The following NEDD4 variants were observed in gnomAD, a reference collection of about 807,000 sequenced individuals.
NEDD4 encodes NEDD4 E3 ubiquitin protein ligase, also known as E3 ubiquitin-protein ligase NEDD4.
Under a neutral mutation model 144.9 loss-of-function variants are expected in NEDD4, and 99 were observed. The ratio of observed to expected loss-of-function variants is 0.68; its 90% confidence interval spans 0.58 to 0.81. The LOEUF (loss-of-function observed/expected upper bound fraction) is 0.81, where lower values mean the gene tolerates loss of function less well. NEDD4 is among the 30% of genes least tolerant of loss of function. NEDD4 has a pLI of 0.00. For missense variants in NEDD4, 985 were observed against 1,065.9 expected, an observed-to-expected ratio of 0.92 and a Z score of 1.06; for synonymous variants, 318 against 350.6, an observed-to-expected ratio of 0.91 and a Z score of 1.04.
At chr15:55,855,861 G>C (rs563438225) in intron 12 of NEDD4, among the ~76,000 whole-genome samples, 1 of 152,160 alleles carries the variant, frequency 6.6e-6, no homozygotes, top group Non-Finnish European at 1.5e-5. Context: ...CGTATGCAGC[G>C]GATCACCTCT....
intron 5 of NEDD4, among the ~76,000 whole-genome samples, chr15:55,886,241 C>T (rs1385201947): frequency 1.3e-5 from 2 of 152,138 alleles, no homozygotes; most frequent in Non-Finnish European, 2.9e-5. Context: ...GACCCCAATA[C>T]AATTATAGCT....
chr15:55,906,020 C>T (rs1342987692), intron 5 of NEDD4, among the ~76,000 whole-genome samples: 2 of 152,120 alleles, frequency 1.3e-5, no homozygotes, highest in Non-Finnish European at 2.9e-5. Flanking sequence ...AGCCAACAGA[C>T]ACATGAAAAA....
chr15:55,852,039 T>C (rs1349769926), intron 13 of NEDD4, among the ~76,000 whole-genome samples: 1 of 151,834 alleles, frequency 6.6e-6, no homozygotes, highest in Non-Finnish European at 1.5e-5. Context: ...CTCATGCCTA[T>C]AATCCCAGCA....
chr15:55,956,784 A>G (rs1281128727), intron 2 of NEDD4, among the ~76,000 whole-genome samples: 3 of 152,124 alleles, frequency 2.0e-5, no homozygotes, highest in African/African-American at 4.8e-5. Flanking sequence ...TGGCTATTCT[A>G]TGTGCCTTGA....
intron 1 of NEDD4, among the ~76,000 whole-genome samples, chr15:55,978,789 CA>C (rs1278822095): frequency 6.6e-6 from 1 of 151,738 alleles, no homozygotes; most frequent in Non-Finnish European, 1.5e-5. Flanking sequence ...CAAGGAGAAA[CA>C]AATTGGTAAT....
At chr15:55,835,903 C>T (rs577462380) in intron 24 of NEDD4, among the ~76,000 whole-genome samples, 2 of 152,260 alleles carry the variant, frequency 1.3e-5, no homozygotes, top group African/African-American at 4.8e-5. Flanking sequence ...TTTAATGCTA[C>T]CTTCCTTCTC....
At chr15:55,974,122 T>A (rs1267024377) in intron 1 of NEDD4, among the ~76,000 whole-genome samples, 1 of 152,138 alleles carries the variant, frequency 6.6e-6, no homozygotes, top group East Asian at 1.9e-4. Context: ...AAAGGATCAT[T>A]AGAGACTACT....
chr15:55,991,347 T>G lies in NEDD4; in HGVS notation c.45+2164A>C, dbSNP rs2037985914. On this transcript the variant is annotated intron_variant, in intron 1 of 28. Coordinates refer to ENST00000435532, the MANE Select transcript of NEDD4 (RefSeq NM_006154.4). ...TTCAATCCTTCTTTTACTTTTGTGA[T>G]AGACCAGAAAATAAATGGCAAATGA... Among the ~76,000 whole-genome samples, 3 of 152,110 alleles carry G rather than the reference T, an allele frequency of 2.0e-5. No homozygotes were observed. In the South Asian group the frequency reaches 6.2e-4, roughly 32 times the overall value.
chr15:55,838,891 G>T (rs2033339419), intron 21 of NEDD4, among the ~76,000 whole-genome samples: 1 of 152,184 alleles, frequency 6.6e-6, no homozygotes, highest in African/African-American at 2.4e-5. Context: ...TGGAGGTACA[G>T]ATTTTATCAT....
chr15:55,979,908 T>C (rs1312278018), intron 1 of NEDD4, among the ~76,000 whole-genome samples: 2 of 150,656 alleles, frequency 1.3e-5, no homozygotes, highest in African/African-American at 4.9e-5. Context: ...TTTATAATTA[T>C]AATTATTACT....
At chr15:55,870,216 CTG>C (rs1458721069) in intron 7 of NEDD4, among the ~76,000 whole-genome samples, 3 of 152,074 alleles carry the variant, frequency 2.0e-5, no homozygotes, top group African/African-American at 7.2e-5. Context: ...TGGTAAATCA[CTG>C]AGAATTTGGG....
intron 2 of NEDD4, among the ~76,000 whole-genome samples, chr15:55,954,364 C>A (rs1363644005): frequency 6.6e-6 from 1 of 152,114 alleles, no homozygotes; most frequent in East Asian, 1.9e-4. Flanking sequence ...TCTGTTCTCT[C>A]TACATTTTCC....
rs147385705 is a variant in NEDD4, at chr15:55,861,832, G to C, written c.675-1054C>G. On this transcript the variant is annotated intron_variant, in intron 9 of 28. Coordinates refer to ENST00000435532, the MANE Select transcript of NEDD4 (RefSeq NM_006154.4). ...AATTACTGTTTATTTAATGCGACAT[G>C]AGCTCAGGCTAGTCAGAAGACCAGT... Among the ~76,000 whole-genome samples the C allele has an allele frequency of 2.0e-5, 3 of 152,232 alleles. No individual in the cohort carries two copies. The East Asian group carries it at 5.8e-4, about 29-fold the overall frequency.
At chr15:55,932,166 T>C (rs1473139613) in intron 4 of NEDD4, among the ~76,000 whole-genome samples, 1 of 152,164 alleles carries the variant, frequency 6.6e-6, no homozygotes, top group African/African-American at 2.4e-5. Flanking sequence ...TTCGTGATAG[T>C]GAGTGAGTTG....
chr15:55,972,654 G>C (rs930616168), intron 1 of NEDD4, among the ~76,000 whole-genome samples: 1 of 152,116 alleles, frequency 6.6e-6, no homozygotes, highest in Admixed American at 6.5e-5. Context: ...TAATAACAAT[G>C]AATGTAAGTG....
chr15:55,863,349 T>G (rs2034475277), intron 8 of NEDD4, among the ~76,000 whole-genome samples: 1 of 152,148 alleles, frequency 6.6e-6, no homozygotes, highest in African/African-American at 2.4e-5. Context: ...GCCTGTAAAG[T>G]TTCCACCAGG....
intron 1 of NEDD4, among the ~76,000 whole-genome samples, chr15:55,969,558 C>T (rs181348165): frequency 6.6e-6 from 1 of 152,264 alleles, no homozygotes; most frequent in African/African-American, 2.4e-5. Context: ...TGTTCTCCAA[C>T]TTGGATACCA....
At chr15:55,844,414 C>G (rs773768809) in intron 18 of NEDD4, among the ~76,000 whole-genome samples, 1 of 151,906 alleles carries the variant, frequency 6.6e-6, no homozygotes, top group Non-Finnish European at 1.5e-5. Flanking sequence ...CCTGGAATAG[C>G]TGAGTGAGAG....
intron 18 of NEDD4, among the ~76,000 whole-genome samples, chr15:55,843,966 G>C (rs2033630447): frequency 6.6e-6 from 1 of 152,254 alleles, no homozygotes; most frequent in Non-Finnish European, 1.5e-5. Context: ...AAGTGTAAAT[G>C]ATGCTAATTC....
Sources: gnomAD v4.1 joint callset for allele counts (sites outside exome capture counted in the v4.1 genomes callset) on GRCh38, gnomAD v4.1.1 for gene constraint, MANE v1.5 for transcripts, NCBI Gene and HGNC (gene_info 2026-07-23, HGNC 2026-07-21) for gene names.